The following ARHGAP10 variants were observed in gnomAD, a reference collection of about 807,000 sequenced individuals.
The protein encoded by ARHGAP10 is rho GTPase-activating protein 10.
In ARHGAP10, 87 loss-of-function variants were observed where a neutral mutation model predicts 108.6. That is an observed-to-expected ratio of 0.80 (90% CI 0.67 to 0.96). The LOEUF is 0.96. Ranked by LOEUF, ARHGAP10 falls within the 40% of genes least tolerant of loss-of-function variation. ARHGAP10 has a pLI of 0.00. For missense variants in ARHGAP10, 939 were observed against 954.5 expected (o/e 0.98, Z 0.21); for synonymous variants, 347 against 341.1 (o/e 1.02, Z -0.19).
At chr4:147,899,477 C>T (rs927530436) in intron 10 of ARHGAP10, among the ~76,000 whole-genome samples, 2 of 152,062 alleles carry the variant, frequency 1.3e-5, no homozygotes, top group Non-Finnish European at 2.9e-5. Context: ...TTCATAGGTT[C>T]TCCGTCTTGT....
At chr4:148,043,669 T>C (rs1728742834) in intron 19 of ARHGAP10, among the ~76,000 whole-genome samples, 1 of 101,220 alleles carries the variant, frequency 9.9e-6, no homozygotes, top group Non-Finnish European at 2.2e-5. Flanking sequence ...TGTATAAATA[T>C]AGATATGTAA....
chr4:147,976,662 AAAT>A (rs1739608740), intron 18 of ARHGAP10, among the ~76,000 whole-genome samples: 1 of 152,152 alleles, frequency 6.6e-6, no homozygotes, highest in South Asian at 2.1e-4. Context: ...GAGAGAAGGA[AAAT>A]AATAATGACA....
Position 147,823,068 on chromosome 4 carries a change from A to G in ARHGAP10, c.312+111A>G, listed in dbSNP as rs1025867021. The G allele has an allele frequency of 1.2e-5, 13 of 1,103,492 alleles. No homozygotes were observed. In the Admixed American group the frequency reaches 2.0e-4, roughly 17 times the overall value. The allele number at this position is 1,103,492 out of a possible 1,614,324, so 68.4% of individuals were successfully genotyped here. A position where few individuals can be genotyped will look rare whatever the true frequency, so the allele number is the denominator to read the frequency against. ...TGAAGCATTTATCCCTGGGTACAGT[A>G]GTGCATTGTAATGGAAAGATGAGGT... is the stretch of plus-strand genomic sequence containing the variant. On this transcript the variant is annotated intron_variant, in intron 3 of 22. Coordinates refer to ENST00000336498, the MANE Select transcript of ARHGAP10 (RefSeq NM_024605.4).
chr4:147,855,308 T>C (rs1178971945), intron 4 of ARHGAP10, among the ~76,000 whole-genome samples: 2 of 152,248 alleles, frequency 1.3e-5, no homozygotes, highest in African/African-American at 2.4e-5. Flanking sequence ...ATCAACTTTT[T>C]AAAATAGTGG....
In ARHGAP10 at chr4:147,875,029, T is replaced by C. The variant is rs1447662892; in HGVS notation, c.711T>C (p.Asn237=). Residue 237 remains asparagine, a synonymous_variant, in exon 8 of 23, where the codon AAT becomes AAC. Coordinates refer to ENST00000336498, the MANE Select transcript of ARHGAP10 (RefSeq NM_024605.4). ...ELQINIQNTR[N]RFEGTRSEVE... Reference sequence around the variant, plus strand: ...TTTTTAATCCATTTCAGACACGGAATCGATTTGAAGGAACAAGGTCAGAAG... The same window carrying C: ...TTTTTAATCCATTTCAGACACGGAACCGATTTGAAGGAACAAGGTCAGAAG... 2.5e-6 allele frequency: 4 copies of C among 1,585,926 alleles called. No homozygotes were observed. Among genetic ancestry groups the C allele is most frequent in the Non-Finnish European group, 8.5e-7 (1 of 1,172,050 alleles).
chr4:147,967,642 T>A (rs905915071), intron 18 of ARHGAP10, among the ~76,000 whole-genome samples: 1 of 152,194 alleles, frequency 6.6e-6, no homozygotes, highest in African/African-American at 2.4e-5. Context: ...TTACTGTTAT[T>A]TTCTCCTTGA....
chr4:147,797,166 C>G (rs1332283112), intron 1 of ARHGAP10, among the ~76,000 whole-genome samples: 1 of 152,088 alleles, frequency 6.6e-6, no homozygotes, highest in Non-Finnish European at 1.5e-5. Flanking sequence ...TGGCCTTTTC[C>G]TTTCATTTAA....
At chr4:147,757,686 G>A (rs1729436775) in intron 1 of ARHGAP10, among the ~76,000 whole-genome samples, 2 of 152,208 alleles carry the variant, frequency 1.3e-5, no homozygotes, top group African/African-American at 4.8e-5. Context: ...AGTGTCCTCA[G>A]CTTCACCTTC....
At chr4:147,987,368 C>T (rs1375227351) in intron 18 of ARHGAP10, among the ~76,000 whole-genome samples, 3 of 152,176 alleles carry the variant, frequency 2.0e-5, no homozygotes, top group Admixed American at 2.0e-4. Flanking sequence ...TCTAGATCGG[C>T]AGGATTGGGA....
At chr4:147,750,947 G>A (rs1729118773) in intron 1 of ARHGAP10, among the ~76,000 whole-genome samples, 1 of 151,988 alleles carries the variant, frequency 6.6e-6, no homozygotes, top group Non-Finnish European at 1.5e-5. Flanking sequence ...AGGGCTCATT[G>A]TGGGCAGGTC....
chr4:148,052,043 C>G (rs1430851803), intron 20 of ARHGAP10, among the ~76,000 whole-genome samples: 2 of 152,156 alleles, frequency 1.3e-5, no homozygotes, highest in Admixed American at 6.5e-5. Context: ...CCCGCTCCCC[C>G]AAATATGATT....
chr4:147,766,830 A>ATT (rs1729849812), intron 1 of ARHGAP10, among the ~76,000 whole-genome samples: 3 of 105,944 alleles, frequency 2.8e-5, no homozygotes, highest in African/African-American at 8.8e-5. Flanking sequence ...ATATATATAT[A>ATT]TATATATATT....
At chr4:147,780,123 G>T (rs1730469230) in intron 1 of ARHGAP10, among the ~76,000 whole-genome samples, 1 of 152,136 alleles carries the variant, frequency 6.6e-6, no homozygotes, top group Admixed American at 6.6e-5. Flanking sequence ...TGTGCTCATT[G>T]TAGAAAAGTT....
intron 20 of ARHGAP10, among the ~76,000 whole-genome samples, chr4:148,062,139 A>G (rs555265079): frequency 1.3e-5 from 2 of 152,278 alleles, no homozygotes; most frequent in East Asian, 1.9e-4. Flanking sequence ...AGCATTGTGT[A>G]TAGGGAGACA....
intron 1 of ARHGAP10, among the ~76,000 whole-genome samples, chr4:147,805,098 C>T (rs1427802689): frequency 1.3e-5 from 2 of 152,036 alleles, no homozygotes. Flanking sequence ...AGAGTTTTTA[C>T]AGTGTCAGGT....
At chr4:148,045,412 C>G (rs75111636) in intron 19 of ARHGAP10, among the ~76,000 whole-genome samples, 3 of 152,036 alleles carry the variant, frequency 2.0e-5, no homozygotes, top group Non-Finnish European at 4.4e-5. Context: ...TTAATCAGAG[C>G]CTGGAATTTC....
chr4:148,027,993 C>T (rs1727955055), intron 19 of ARHGAP10, among the ~76,000 whole-genome samples: 1 of 151,898 alleles, frequency 6.6e-6, no homozygotes, highest in Non-Finnish European at 1.5e-5. Flanking sequence ...TTATATGCTC[C>T]ACATCCTGCC....
chr4:147,860,019 A>G (rs1228272869), intron 5 of ARHGAP10, among the ~76,000 whole-genome samples: 1 of 152,214 alleles, frequency 6.6e-6, no homozygotes, highest in South Asian at 2.1e-4. Flanking sequence ...TACTTTTGGC[A>G]GTGGTTAATG....
chr4:147,794,665 A>G (rs916898018), intron 1 of ARHGAP10, among the ~76,000 whole-genome samples: 3 of 152,206 alleles, frequency 2.0e-5, no homozygotes, highest in African/African-American at 7.2e-5. Flanking sequence ...GTTTCATGCT[A>G]TTGCATGTAG....
Sources: gnomAD v4.1 joint callset for allele counts (sites outside exome capture counted in the v4.1 genomes callset) on GRCh38, gnomAD v4.1.1 for gene constraint, MANE v1.5 for transcripts, NCBI Gene and HGNC (gene_info 2026-07-23, HGNC 2026-07-21) for gene names.